PRMT1: variants seen among roughly 807,000 people sequenced by gnomAD.
PRMT1 encodes protein arginine N-methyltransferase 1.
PRMT1 carries 5 observed loss-of-function variants against 47.4 expected under a neutral mutation model. The observed-to-expected ratio is 0.11, with a 90% CI of 0.06 to 0.22. PRMT1 has a LOEUF of 0.22. PRMT1 is among the 10% of genes least tolerant of loss of function. PRMT1 has a pLI of 1.00. For synonymous variants in PRMT1, 227 were observed against 204.6 expected (o/e 1.11, Z -0.94); for missense variants, 249 against 518.4 (o/e 0.48, Z 5.05).
At chr19:49,678,017 C>T (rs917057917) in intron 1 of PRMT1, among the ~76,000 whole-genome samples, 1 of 152,114 alleles carries the variant, frequency 6.6e-6, no homozygotes, top group Non-Finnish European at 1.5e-5. Flanking sequence ...CCTGTGACCT[C>T]CCTCTGGGTG....
In PRMT1 at chr19:49,684,626, G is replaced by A; in HGVS notation, c.556-128G>A. On this transcript the variant is annotated intron_variant, in intron 6 of 10. Coordinates refer to ENST00000454376, the MANE Select transcript of PRMT1 (RefSeq NM_001536.6). The surrounding 1 kb of genome is among the most constrained non-coding windows in gnomAD (Gnocchi z 6.2). ...CGGCCGTGTGGGAAATAGACCAGGG[G>A]GCGAGGGGTGAGTGCCGCTGCGACA... 9.1e-7 allele frequency: 1 copy of A among 1,092,978 alleles called. No homozygotes were observed. Among genetic ancestry groups the A allele is most frequent in the East Asian group, 2.6e-5 (1 of 38,220 alleles). 67.7% of individuals were successfully genotyped at this position (1,092,978 alleles called of 1,614,324 possible).
In PRMT1 at chr19:49,680,049, C is replaced by T. The variant is rs1456708153; in HGVS notation, c.90+124C>T. 3.4e-6 allele frequency: 4 copies of T among 1,187,310 alleles called. No homozygotes were observed. The African/African-American group carries it at 6.1e-5, about 18-fold the overall frequency. The allele number at this position is 1,187,310 out of a possible 1,614,324, so 73.5% of individuals were successfully genotyped here. On this transcript the variant is annotated intron_variant, in intron 2 of 10. Transcript: ENST00000454376. This position sits in a 1 kb window ranked among gnomAD's most constrained non-coding sequence, Gnocchi z 4.2. Reference sequence around the variant, plus strand: ...TTGCTTCAAACCAGTTTACCCCAGGCCCCCAGACACTTAGTAGCAACCCCT... The same window carrying T: ...TTGCTTCAAACCAGTTTACCCCAGGTCCCCAGACACTTAGTAGCAACCCCT...
At position 49,688,179 on chromosome 19, in the gene PRMT1, C is replaced by T; in HGVS notation, c.1050C>T (p.Thr350=). The change falls in exon 11 of 11, where the codon ACC becomes ACT. Residue 350 remains threonine, a synonymous_variant. Transcript: ENST00000454376. The surrounding 1 kb of genome is among the most constrained non-coding windows in gnomAD (Gnocchi z 5.3). ...CCCTGCAGCGGGACCTGGACTTCAC[C>T]ATCGACCTGGACTTCAAGGGCCAGC... ...NAKNNRDLDF[T]IDLDFKGQLC... is the part of the protein sequence containing the mutation. The T allele has an allele frequency of 1.2e-6, 2 of 1,613,972 alleles. No individual in the cohort carries two copies. The highest frequency in any genetic ancestry group is 1.7e-6 in the Non-Finnish European group (2 of 1,179,924).
At chr19:49,682,391 C>A in intron 5 of PRMT1, 132 bp downstream of exon 5, 1 of 944,174 alleles carries the variant, frequency 1.1e-6, no homozygotes, top group South Asian at 1.5e-5. Context: ...GTCTTTTGGG[C>A]TGCCGGCCGC....
rs2082179183 is a variant in PRMT1 at position 49,684,739 on chromosome 19, CCT to C, written c.556-14_556-13del. On this transcript the variant is annotated splice_polypyrimidine_tract_variant and intron_variant, in intron 6 of 10. Coordinates refer to ENST00000454376, the MANE Select transcript of PRMT1 (RefSeq NM_001536.6). The surrounding 1 kb of genome is among the most constrained non-coding windows in gnomAD (Gnocchi z 6.2). ...CCAGGCCCCACCCTTCATGCCTCGC[CCT>C]GCCCCTCTGTAGGCGCCCGATGGCC... The C allele has an allele frequency of 6.4e-7, 1 of 1,550,704 alleles. No homozygotes were observed. The highest frequency in any genetic ancestry group is 1.2e-5 in the South Asian group (1 of 84,280).
At position 49,686,076 on chromosome 19, in the gene PRMT1, C is replaced by T; in HGVS notation, c.760-17C>T. 2 of 1,609,190 alleles carry T rather than the reference C, an allele frequency of 1.2e-6. No homozygotes were observed. Among genetic ancestry groups the T allele is most frequent in the East Asian group, 2.2e-5 (1 of 44,824 alleles). On this transcript the variant is annotated splice_polypyrimidine_tract_variant and intron_variant, in intron 8 of 10. Transcript: ENST00000454376. Reference sequence around the variant, plus strand: ...GGTGGGGACGCATCCCGGAGCTCGCCCTCTCATGTCCTGCAGGAGGTGGAC... The same window carrying T: ...GGTGGGGACGCATCCCGGAGCTCGCTCTCTCATGTCCTGCAGGAGGTGGAC...
chr19:49,686,566 G>GGGGGGGGGCCC, intron 9 of PRMT1, 39 bp from the exon 10 acceptor site: 1 of 1,315,710 alleles, frequency 7.6e-7, no homozygotes. Context: ...GTTGGGGGGG[G>GGGGGGGGGCCC]CAGCAGGCCG....
Position 49,680,465 on chromosome 19 carries a change from G to A in PRMT1, c.91-22G>A. ...TGGGGAGCCCCCAGATCTGACCCAT[G>A]ATCCCATCGGCCCCCTCCCAGGTGT... On this transcript the variant is annotated intron_variant, in intron 2 of 10. Transcript: ENST00000454376. This position sits in a 1 kb window ranked among gnomAD's most constrained non-coding sequence, Gnocchi z 4.2. 1 of 1,591,068 alleles carries A rather than the reference G, an allele frequency of 6.3e-7. No individual in the cohort carries two copies. Among genetic ancestry groups the A allele is most frequent in the Non-Finnish European group, 8.6e-7 (1 of 1,159,162 alleles).
rs2082129363 is a variant in PRMT1, at chr19:49,682,224, C to T, written c.377C>T (p.Ala126Val). ...GAGTGTTCCAGTATCTCTGATTATG[C>T]GGTGAAGATCGTCAAAGCCAACAAG... ...GIECSSISDYAVKIVKANKLD... is the reference protein window; with the variant it reads ...GIECSSISDYVVKIVKANKLD... Residue 126 changes from alanine to valine, a missense_variant, in exon 5 of 11, where the codon GCG (alanine) becomes GTG (valine). Coordinates refer to ENST00000454376, the MANE Select transcript of PRMT1 (RefSeq NM_001536.6). 1.9e-6 allele frequency: 3 copies of T among 1,613,826 alleles called. No individual in the cohort carries two copies. Among genetic ancestry groups the T allele is most frequent in the Admixed American group, 1.7e-5 (1 of 60,022 alleles).
Position 49,684,172 on chromosome 19 carries a change from C to T in PRMT1, c.555+103C>T. ...CCACAGACGGGACTTACTGTGGGGG[C>T]TTAGCTGCAAGGTGTTAGAAAGCCA... is the stretch of plus-strand genomic sequence containing the variant. On this transcript the variant is annotated intron_variant, in intron 6 of 10. Transcript: ENST00000454376. The surrounding 1 kb of genome is among the most constrained non-coding windows in gnomAD (Gnocchi z 6.2). 3 of 1,476,134 alleles carry T rather than the reference C, an allele frequency of 2.0e-6. No homozygotes were observed. The highest frequency in any genetic ancestry group is 1.2e-5 in the South Asian group (1 of 80,984). The allele number at this position is 1,476,134 out of a possible 1,614,324, so 91.4% of individuals were successfully genotyped here.
intron 1 of PRMT1, chr19:49,679,569 A>G (rs528650667): frequency 1.5e-6 from 1 of 670,236 alleles, no homozygotes; most frequent in Non-Finnish European, 2.8e-6. Flanking sequence ...GGTGGGTGCC[A>G]ATTCCCCTGG....
In PRMT1 at chr19:49,688,178, C is replaced by T; in HGVS notation, c.1049C>T (p.Thr350Ile). Residue 350 changes from threonine (T) to isoleucine (I), a missense_variant, in exon 11 of 11, where the codon ACC becomes ATC. This residue lies in a region of PRMT1 where 190 missense variants were observed against 456.7 expected (regional missense o/e 0.42). Coordinates refer to ENST00000454376, the MANE Select transcript of PRMT1 (RefSeq NM_001536.6). The surrounding 1 kb of genome is among the most constrained non-coding windows in gnomAD (Gnocchi z 5.3). Reference protein sequence around the residue: ...NAKNNRDLDFTIDLDFKGQLC... With the variant: ...NAKNNRDLDFIIDLDFKGQLC... ...TCCCTGCAGCGGGACCTGGACTTCA[C>T]CATCGACCTGGACTTCAAGGGCCAG... is the stretch of plus-strand genomic sequence containing the variant. The T allele has an allele frequency of 6.2e-7, 1 of 1,613,912 alleles. No homozygotes were observed. The highest frequency in any genetic ancestry group is 8.5e-7 in the Non-Finnish European group (1 of 1,179,916).
rs1028052211 is a variant in PRMT1 at position 49,684,317 on chromosome 19, C to T, written c.555+248C>T. ...GTCCTTAGGCCCCAGCAGGCCTCCC[C>T]GGGAGAGGTGAGGTGACGGAGAGGT... On this transcript the variant is annotated intron_variant, in intron 6 of 10. Coordinates refer to ENST00000454376, the MANE Select transcript of PRMT1 (RefSeq NM_001536.6). The surrounding 1 kb of genome is among the most constrained non-coding windows in gnomAD (Gnocchi z 6.2). Among the ~76,000 whole-genome samples the T allele has an allele frequency of 2.0e-5, 3 of 151,948 alleles. No individual in the cohort carries two copies. The highest frequency in any genetic ancestry group is 1.3e-4 in the Admixed American group (2 of 15,270).
In PRMT1 at chr19:49,688,028, C is replaced by T. The variant is rs562210457; in HGVS notation, c.1033-134C>T. 2.2e-4 allele frequency: 177 copies of T among 818,898 alleles called. No individual in the cohort carries two copies. In the African/African-American group the frequency reaches 2.3e-3, roughly 11 times the overall value. The allele number at this position is 818,898 out of a possible 1,614,324, so 50.7% of individuals were successfully genotyped here. A position where few individuals can be genotyped will look rare whatever the true frequency, so the allele number is the denominator to read the frequency against. On this transcript the variant is annotated intron_variant, in intron 10 of 10. Coordinates refer to ENST00000454376, the MANE Select transcript of PRMT1 (RefSeq NM_001536.6). This position sits in a 1 kb window ranked among gnomAD's most constrained non-coding sequence, Gnocchi z 5.3. ...GTCAGGGCAGCTGCTAGGGTGGGAC[C>T]AGCAGTTGGGGTCTGCAGCGTGGAG...
intron 5 of PRMT1, 115 bp from the exon 6 acceptor site, chr19:49,683,812 C>T (rs1414640921): frequency 1.5e-5 from 18 of 1,181,976 alleles, no homozygotes; most frequent in Non-Finnish European, 1.8e-5. Context: ...TTCATGGCTT[C>T]TGCTCACGCA....
intron 10 of PRMT1, among the ~76,000 whole-genome samples, chr19:49,687,512 CCG>C (rs1273552934): frequency 8.9e-5 from 13 of 146,634 alleles, no homozygotes; most frequent in African/African-American, 3.0e-4. Flanking sequence ...CCTCCGCTCC[CCG>C]CCCCCCCCCA....
chr19:49,686,278 C>T lies in PRMT1; in HGVS notation c.910+35C>T, dbSNP rs45448598. 8.4e-3 allele frequency: 13,072 copies of T among 1,555,042 alleles called. 939 individuals carry two copies. The African/African-American group carries it at 0.15, about 18-fold the overall frequency. ...GGCCCACAGGGCTGGGGGCCGTTCC[C>T]GAGCCAGGGCGGAGGCGCACCCACG... On this transcript the variant is annotated intron_variant, in intron 9 of 10. Coordinates refer to ENST00000454376, the MANE Select transcript of PRMT1 (RefSeq NM_001536.6).
At chr19:49,679,254 G>A (rs1049694068) in intron 1 of PRMT1, among the ~76,000 whole-genome samples, 7 of 152,208 alleles carry the variant, frequency 4.6e-5, no homozygotes, top group Middle Eastern at 3.4e-3. Context: ...CCCTACCTTC[G>A]TGGGCAGAGG....
rs189362245 is a variant in PRMT1 at position 49,685,631 on chromosome 19, C to T, written c.760-462C>T. 1,894 of 1,013,182 alleles carry T rather than the reference C, an allele frequency of 1.9e-3. 1 individual carries two copies. The highest frequency in any genetic ancestry group is 2.1e-3 in the Non-Finnish European group (1,804 of 847,906). 62.8% of individuals were successfully genotyped at this position (1,013,182 alleles called of 1,614,324 possible). On this transcript the variant is annotated intron_variant, in intron 8 of 10. Transcript: ENST00000454376. The surrounding 1 kb of genome is among the most constrained non-coding windows in gnomAD (Gnocchi z 4.7). Reference sequence around the variant, plus strand: ...TGGGTGGCTGACCGGGGGATCCTGTCGGGGAGGAGTAAGTTGTTGAGTGGG... The same window carrying T: ...TGGGTGGCTGACCGGGGGATCCTGTTGGGGAGGAGTAAGTTGTTGAGTGGG...
Sources: allele counts gnomAD v4.1 joint callset (sites outside exome capture counted in the v4.1 genomes callset), GRCh38; gene constraint gnomAD v4.1.1; regional missense constraint gnomAD v4.1.1; non-coding constraint Gnocchi (gnomAD v3.1); transcripts MANE v1.5; gene names NCBI Gene and HGNC (gene_info 2026-07-23, HGNC 2026-07-21).